The following PALM2AKAP2 variants were observed in gnomAD, a reference collection of about 807,000 sequenced individuals.
PALM2AKAP2 encodes PALM2-AKAP2 fusion protein.
A neutral mutation model predicts 71.5 loss-of-function variants in PALM2AKAP2; 37 were observed. The ratio of observed to expected loss-of-function variants is 0.52; its 90% CI spans 0.40 to 0.68. The LOEUF (loss-of-function observed/expected upper bound fraction) is 0.68, where lower values mean the gene tolerates loss of function less well. PALM2AKAP2 is among the 30% of genes least tolerant of loss of function. The pLI is 0.00. For synonymous variants in PALM2AKAP2, 468 were observed against 478.8 expected, an observed-to-expected ratio of 0.98 and a Z score of 0.29; for missense variants, 1,224 against 1,191.8, an observed-to-expected ratio of 1.03 and a Z score of -0.40.
chr9:109,705,448 T>A (rs370952896), intron 1 of PALM2AKAP2, among the ~76,000 whole-genome samples: 139 of 152,332 alleles, frequency 9.1e-4, no homozygotes, highest in African/African-American at 3.2e-3. Context: ...ATCGCTACTA[T>A]GTGTCACTTG....
intron 1 of PALM2AKAP2, among the ~76,000 whole-genome samples, chr9:109,688,766 T>G (rs1192093903): frequency 6.6e-6 from 1 of 152,214 alleles, no homozygotes; most frequent in Non-Finnish European, 1.5e-5. Flanking sequence ...ATAGGTTGAA[T>G]GAAAGGCAAA....
upstream of PALM2AKAP2, chr9:109,780,333 A>G (rs554058303): frequency 4.1e-6 from 6 of 1,469,738 alleles, no homozygotes; most frequent in African/African-American, 7.0e-5. Context: ...CCGTGCGCAC[A>G]GCTCTGCCCG....
intron 1 of PALM2AKAP2, among the ~76,000 whole-genome samples, chr9:109,726,394 C>T (rs965332408): frequency 2.0e-5 from 3 of 152,232 alleles, no homozygotes; most frequent in Non-Finnish European, 4.4e-5. Context: ...GTCAGCAGAG[C>T]AGGCTCCTGT....
At chr9:109,698,746 T>C (rs1828010424) in intron 1 of PALM2AKAP2, among the ~76,000 whole-genome samples, 1 of 152,216 alleles carries the variant, frequency 6.6e-6, no homozygotes, top group East Asian at 1.9e-4. Context: ...GGTGGTCATT[T>C]ATTTGTTCAC....
At chr9:109,662,376 A>G (rs1827412473) in intron 1 of PALM2AKAP2, among the ~76,000 whole-genome samples, 1 of 152,186 alleles carries the variant, frequency 6.6e-6, no homozygotes, top group Non-Finnish European at 1.5e-5. Context: ...TTTAGCCTGA[A>G]GCGCTGTTGA....
chr9:109,895,091 A>T (rs1450229230), intron 3 of PALM2AKAP2, among the ~76,000 whole-genome samples: 1 of 152,316 alleles, frequency 6.6e-6, no homozygotes, highest in South Asian at 2.1e-4. Flanking sequence ...AGCCAGTCAG[A>T]TTTTCCTGGC....
intron 2 of PALM2AKAP2, among the ~76,000 whole-genome samples, chr9:109,878,937 A>G (rs951581672): frequency 2.0e-5 from 3 of 152,124 alleles, no homozygotes; most frequent in South Asian, 2.1e-4. Flanking sequence ...GGGTTTCTCT[A>G]TGTTGGTCAG....
At chr9:109,953,325 A>G (rs79118258) in intron 6 of PALM2AKAP2, among the ~76,000 whole-genome samples, 1,567 of 152,304 alleles carry the variant, frequency 0.01, 22 homozygotes, top group African/African-American at 0.036. Context: ...TTCACCTGAT[A>G]GGGTAGGATT....
chr9:110,128,529 A>G (rs10980214), intron 1 of PALM2AKAP2, among the ~76,000 whole-genome samples: 6,819 of 152,296 alleles, frequency 0.045, 353 homozygotes, highest in East Asian at 0.25. Flanking sequence ...CGGGTCACCT[A>G]TTATCTGGAG....
chr9:110,016,526 C>G (rs1254585899), intron 7 of PALM2AKAP2, among the ~76,000 whole-genome samples: 1 of 152,150 alleles, frequency 6.6e-6, no homozygotes, highest in East Asian at 1.9e-4. Flanking sequence ...CAGCACATGG[C>G]CCACTCCAGC....
chr9:109,768,839 A>G (rs1829205424), intron 1 of PALM2AKAP2, among the ~76,000 whole-genome samples: 1 of 152,234 alleles, frequency 6.6e-6, no homozygotes, highest in African/African-American at 2.4e-5. Flanking sequence ...TTAAAAATAG[A>G]CCAGGCAAGG....
chr9:110,031,508 C>G (rs1395397083), intron 7 of PALM2AKAP2, among the ~76,000 whole-genome samples: 1 of 152,142 alleles, frequency 6.6e-6, no homozygotes, highest in East Asian at 1.9e-4. Flanking sequence ...GAGATAATAG[C>G]TAACATATAT....
chr9:110,126,769 C>A (rs1835616422), intron 1 of PALM2AKAP2, among the ~76,000 whole-genome samples: 1 of 152,200 alleles, frequency 6.6e-6, no homozygotes, highest in Admixed American at 6.5e-5. Flanking sequence ...CCCCACCACA[C>A]ACACTGTCTT....
chr9:110,024,750 C>T, intron 7 of PALM2AKAP2: 1 of 603,502 alleles, frequency 1.7e-6, no homozygotes, highest in Non-Finnish European at 2.9e-6. Context: ...TGTCACTGCA[C>T]TCTATCCTGG....
chr9:109,742,897 A>C (rs750241729), intron 1 of PALM2AKAP2, among the ~76,000 whole-genome samples: 1 of 152,170 alleles, frequency 6.6e-6, no homozygotes, highest in Non-Finnish European at 1.5e-5. Context: ...CCACAGCCAC[A>C]AAAAGCATGC....
chr9:109,848,886 C>CAA (rs145080904), intron 1 of PALM2AKAP2, among the ~76,000 whole-genome samples: 9 of 117,184 alleles, frequency 7.7e-5, no homozygotes, highest in African/African-American at 2.2e-4. Context: ...GCCACTGTCT[C>CAA]AAAAAAAAAA....
chr9:110,162,883 A>C (rs1021555481), intron 3 of PALM2AKAP2, among the ~76,000 whole-genome samples: 1 of 150,882 alleles, frequency 6.6e-6, no homozygotes, highest in African/African-American at 2.4e-5. Context: ...ATTTTTTTAT[A>C]TTTTTTTTGT....
chr9:110,066,329 C>A (rs1834078500), intron 1 of PALM2AKAP2, among the ~76,000 whole-genome samples: 1 of 152,164 alleles, frequency 6.6e-6, no homozygotes, highest in South Asian at 2.1e-4. Flanking sequence ...CCTTTGTAAG[C>A]TTTAGTTTCC....
At chr9:109,725,081 C>G (rs1462190150) in intron 1 of PALM2AKAP2, among the ~76,000 whole-genome samples, 1 of 151,976 alleles carries the variant, frequency 6.6e-6, no homozygotes, top group Non-Finnish European at 1.5e-5. Flanking sequence ...GATGCTCAAT[C>G]TCAATGGCAA....
Sources: gnomAD v4.1 joint callset for allele counts (sites outside exome capture counted in the v4.1 genomes callset) on GRCh38, gnomAD v4.1.1 for gene constraint, MANE v1.5 for transcripts, NCBI Gene and HGNC (gene_info 2026-07-23, HGNC 2026-07-21) for gene names.